The following PARN variants were observed in gnomAD, a reference collection of about 807,000 sequenced individuals.
The protein encoded by PARN is poly(A)-specific ribonuclease PARN.
Under a neutral mutation model 102.8 loss-of-function variants are expected in PARN, and 71 were observed. The observed-to-expected ratio is 0.69, with a 90% CI of 0.57 to 0.84. The LOEUF (loss-of-function observed/expected upper bound fraction) is 0.84, where lower values mean the gene tolerates loss of function less well. PARN is among the 40% of genes least tolerant of loss of function. The pLI, the probability that PARN is intolerant of heterozygous loss-of-function variation, is 0.00. For missense variants in PARN, 782 were observed against 760.9 expected (o/e 1.03, Z -0.33); for synonymous variants, 261 against 252.9 (o/e 1.03, Z -0.30).
intron 5 of PARN, among the ~76,000 whole-genome samples, chr16:14,618,276 G>A (rs966017823): frequency 5.3e-5 from 8 of 151,764 alleles, no homozygotes; most frequent in Admixed American, 1.3e-4. Flanking sequence ...TCACGAGGTC[G>A]GGAGATCAAG....
intron 21 of PARN, among the ~76,000 whole-genome samples, chr16:14,502,780 C>T (rs1191998426): frequency 2.0e-5 from 3 of 152,148 alleles, no homozygotes; most frequent in Non-Finnish European, 4.4e-5. Flanking sequence ...CTATTCTATA[C>T]CTCCAGTGAT....
In PARN at chr16:14,609,128, G is replaced by C. The variant is rs1971366954; in HGVS notation, c.555-5C>G. 7.0e-7 allele frequency: 1 copy of C among 1,433,486 alleles called. No homozygotes were observed. The highest frequency in any genetic ancestry group is 9.7e-7 in the Non-Finnish European group (1 of 1,031,640). 88.8% of individuals were successfully genotyped at this position (1,433,486 alleles called of 1,614,324 possible). ...AATAAATCCTCTATTTTCTCTCTGA[G>C]GAATAAGAATAGACCATAACCATCA... On this transcript the variant is annotated splice_polypyrimidine_tract_variant and splice_region_variant and intron_variant, in intron 7 of 23. Coordinates refer to ENST00000437198, the MANE Select transcript of PARN (RefSeq NM_002582.4).
At chr16:14,589,497 T>C (rs1970042217) in intron 13 of PARN, among the ~76,000 whole-genome samples, 1 of 149,938 alleles carries the variant, frequency 6.7e-6, no homozygotes, top group Non-Finnish European at 1.5e-5. Flanking sequence ...CCCAGGGAGT[T>C]GAGGCTGCAG....
chr16:14,621,078 C>T, intron 5 of PARN, among the ~76,000 whole-genome samples: 1 of 152,154 alleles, frequency 6.6e-6, no homozygotes. Context: ...AAATCACTTC[C>T]ATCGTGTCCA....
chr16:14,601,210 G>A (rs965427361), intron 11 of PARN, among the ~76,000 whole-genome samples: 11 of 152,048 alleles, frequency 7.2e-5, no homozygotes, highest in Non-Finnish European at 1.0e-4. Context: ...AAGCAACCCA[G>A]GTGTCCACAA....
intron 6 of PARN, among the ~76,000 whole-genome samples, chr16:14,611,196 G>A (rs1214502420): frequency 6.6e-6 from 1 of 152,172 alleles, no homozygotes; most frequent in Non-Finnish European, 1.5e-5. Flanking sequence ...CTTCGGGTAG[G>A]GGAAACAAGT....
intron 5 of PARN, among the ~76,000 whole-genome samples, chr16:14,625,629 T>A (rs1972599195): frequency 6.6e-6 from 1 of 152,256 alleles, no homozygotes; most frequent in Non-Finnish European, 1.5e-5. Context: ...TTTAGGAAAC[T>A]GTCTATAAGA....
At chr16:14,504,458 C>G (rs1169289653) in intron 21 of PARN, among the ~76,000 whole-genome samples, 7 of 152,050 alleles carry the variant, frequency 4.6e-5, no homozygotes, top group African/African-American at 1.4e-4. Context: ...ACTCGGGAGG[C>G]TGAGGCAGGA....
At chr16:14,564,207 C>G (rs1968283250) in intron 18 of PARN, among the ~76,000 whole-genome samples, 1 of 152,194 alleles carries the variant, frequency 6.6e-6, no homozygotes, top group Non-Finnish European at 1.5e-5. Flanking sequence ...CATCCTAAAC[C>G]ACTAGTCAAA....
At chr16:14,471,048 G>A (rs1248653050) in intron 22 of PARN, among the ~76,000 whole-genome samples, 5 of 152,168 alleles carry the variant, frequency 3.3e-5, no homozygotes, top group Non-Finnish European at 7.4e-5. Flanking sequence ...CTCCCAAAGG[G>A]CTAGGATTAC....
intron 18 of PARN, among the ~76,000 whole-genome samples, chr16:14,559,312 A>G (rs1967906350): frequency 6.6e-6 from 1 of 151,960 alleles, no homozygotes; most frequent in Non-Finnish European, 1.5e-5. Context: ...GTCAATATAT[A>G]AGCTATGTGT....
intron 22 of PARN, among the ~76,000 whole-genome samples, chr16:14,481,725 G>A (rs1250826177): frequency 6.6e-6 from 1 of 152,062 alleles, no homozygotes; most frequent in Non-Finnish European, 1.5e-5. Context: ...TGGGATTATG[G>A]CTAATTTTTT....
chr16:14,526,609 T>A (rs1229989557), intron 21 of PARN, among the ~76,000 whole-genome samples: 1 of 152,182 alleles, frequency 6.6e-6, no homozygotes, highest in African/African-American at 2.4e-5. Context: ...CCAAACCTCA[T>A]CACACAAAGG....
intron 5 of PARN, among the ~76,000 whole-genome samples, chr16:14,623,417 G>A (rs1972442453): frequency 6.6e-6 from 1 of 151,958 alleles, no homozygotes; most frequent in East Asian, 1.9e-4. Context: ...CAGAGGCTCA[G>A]GCAGGAGGAT....
At chr16:14,472,535 A>G (rs1390562420) in intron 22 of PARN, among the ~76,000 whole-genome samples, 1 of 152,236 alleles carries the variant, frequency 6.6e-6, no homozygotes, top group African/African-American at 2.4e-5. Flanking sequence ...AACTAGACCT[A>G]GCCAAAACTG....
chr16:14,454,599 A>G (rs1394212432), intron 22 of PARN, among the ~76,000 whole-genome samples: 1 of 152,210 alleles, frequency 6.6e-6, no homozygotes, highest in South Asian at 2.1e-4. Flanking sequence ...GTGGTGTAAC[A>G]TAAGAACAGA....
At chr16:14,606,171 G>A (rs113706978) in intron 10 of PARN, among the ~76,000 whole-genome samples, 19 of 152,098 alleles carry the variant, frequency 1.2e-4, no homozygotes, top group Non-Finnish European at 2.2e-4. Flanking sequence ...AGGCCGAGGC[G>A]GGCAAATTGT....
At chr16:14,518,291 CAAAAAAAAAAA>C (rs34169116) in intron 21 of PARN, among the ~76,000 whole-genome samples, 3 of 52,264 alleles carry the variant, frequency 5.7e-5, no homozygotes, top group South Asian at 9.1e-4. Context: ...GACCCTGTCT[CAAAAAAAAAAA>C]AAAAAAAAAA....
intron 16 of PARN, 70 bp downstream of exon 16, chr16:14,584,277 C>A: frequency 5.2e-6 from 6 of 1,151,132 alleles, no homozygotes; most frequent in Non-Finnish European, 7.8e-6. Context: ...AGCCATTCTG[C>A]TTTTCTTCTA....
Sources: allele counts gnomAD v4.1 joint callset (sites outside exome capture counted in the v4.1 genomes callset), GRCh38; gene constraint gnomAD v4.1.1; transcripts MANE v1.5; gene names NCBI Gene and HGNC (gene_info 2026-07-23, HGNC 2026-07-21).